The following SLC30A3 variants were observed in gnomAD, a reference collection of about 807,000 sequenced individuals.
SLC30A3 encodes probable proton-coupled zinc antiporter SLC30A3.
In SLC30A3, 20 loss-of-function variants were observed where a neutral mutation model predicts 35.6. That is an observed-to-expected ratio of 0.56 (90% CI 0.39 to 0.82). SLC30A3 has a LOEUF of 0.82. Among genes scored for constraint, SLC30A3 ranks in the 40% least tolerant of loss-of-function variants. SLC30A3 has a pLI of 0.00. For synonymous variants in SLC30A3, 217 were observed against 224.7 expected (o/e 0.97, Z 0.31); for missense variants, 401 against 530.6 (o/e 0.76, Z 2.40).
rs1677726260 is a variant in SLC30A3 at position 27,271,543 on chromosome 2, G to A, written c.-159+3634C>T. Among the ~76,000 whole-genome samples the A allele has an allele frequency of 6.6e-6, 1 of 152,210 alleles. No homozygotes were observed. ...TGAAATGGCACAGGTTTTTATAGAA[G>A]AGGAAAAATAGACTCAGAGATGAAA... On this transcript the variant is annotated intron_variant, in intron 1 of 5. Transcript: ENST00000424577. This position sits in a 1 kb window ranked among gnomAD's most constrained non-coding sequence, Gnocchi z 4.3.
rs761228633 is a variant in SLC30A3, at chr2:27,257,510, C to T, written c.579-158G>A. On this transcript the variant is annotated intron_variant, in intron 4 of 7. Transcript: ENST00000233535. The surrounding 1 kb of genome is among the most constrained non-coding windows in gnomAD (Gnocchi z 4.7). ...CAATGCAGCCTGGGGGAAAGAATAC[C>T]AGACTTGGTGCCACACATGTGGATT... 1 of 716,540 alleles carries T rather than the reference C, an allele frequency of 1.4e-6. No individual in the cohort carries two copies. Among genetic ancestry groups the T allele is most frequent in the Non-Finnish European group, 2.4e-6 (1 of 421,936 alleles). The allele number at this position is 716,540 out of a possible 1,614,324, so 44.4% of individuals were successfully genotyped here.
intron 1 of SLC30A3, among the ~76,000 whole-genome samples, chr2:27,268,134 C>G (rs948467378): frequency 2.6e-5 from 4 of 152,116 alleles, no homozygotes; most frequent in Non-Finnish European, 4.4e-5. Context: ...GTTTTACATG[C>G]TGCTATATCC....
intron 6 of SLC30A3, 126 bp downstream of exon 6, chr2:27,256,662 T>G: frequency 7.5e-7 from 1 of 1,336,772 alleles, no homozygotes; most frequent in South Asian, 1.3e-5. Flanking sequence ...AAATCCTTGT[T>G]CCAGCAGCAG....
At chr2:27,270,147 CAATT>C (rs965810592) in intron 1 of SLC30A3, among the ~76,000 whole-genome samples, 10 of 152,134 alleles carry the variant, frequency 6.6e-5, no homozygotes, top group African/African-American at 1.9e-4. Context: ...CAATTAATAA[CAATT>C]AAGAGGGTGA....
At position 27,262,924 on chromosome 2, in the gene SLC30A3, C is replaced by A; in HGVS notation, c.-18G>T. On this transcript the variant is annotated 5_prime_UTR_variant, in exon 1 of 8. Coordinates refer to ENST00000233535, the MANE Select transcript of SLC30A3 (RefSeq NM_003459.5). This position sits in a 1 kb window ranked among gnomAD's most constrained non-coding sequence, Gnocchi z 7.5. ...GGCTCCATGTTCCCGGTGCCCCGAC[C>A]GTCTAGGCCCCACCGAGGAAGAGAG... 1 of 1,535,974 alleles carries A rather than the reference C, an allele frequency of 6.5e-7. No individual in the cohort carries two copies. The highest frequency in any genetic ancestry group is 2.0e-4 in the Middle Eastern group (1 of 4,966).
chr2:27,256,252 G>A (rs1676843515), intron 7 of SLC30A3, 134 bp downstream of exon 7: 1 of 1,013,640 alleles, frequency 9.9e-7, no homozygotes, highest in Non-Finnish European at 1.5e-6. Flanking sequence ...ATGTGTCTAT[G>A]TGAGAGAGAG....
chr2:27,257,185 A>G lies in SLC30A3; in HGVS notation c.746T>C (p.Val249Ala). ...GTAGATGAGGATGGAGGCAGCCAGT[A>G]CCCCAAAGCTCTGCAGGAGGTCCCC... ...VLGDLLQSFG[V>A]LAASILIYFK... The change falls in exon 5 of 8, where the codon GTA becomes GCA. Residue 249 changes from valine (V) to alanine (A), a missense_variant. Transcript: ENST00000233535. This position sits in a 1 kb window ranked among gnomAD's most constrained non-coding sequence, Gnocchi z 4.7. 6.2e-7 allele frequency: 1 copy of G among 1,613,922 alleles called. No homozygotes were observed. Among genetic ancestry groups the G allele is most frequent in the Non-Finnish European group, 8.5e-7 (1 of 1,179,942 alleles).
chr2:27,261,184 G>C (rs1677166586), intron 1 of SLC30A3, among the ~76,000 whole-genome samples: 2 of 152,178 alleles, frequency 1.3e-5, no homozygotes, highest in Non-Finnish European at 2.9e-5. Flanking sequence ...AGTGTCAGGG[G>C]AGGGCTGAGG....
rs532752696 is a variant in SLC30A3, at chr2:27,255,686, T to A, written c.1019-226A>T. On this transcript the variant is annotated intron_variant, in intron 7 of 7. Coordinates refer to ENST00000233535, the MANE Select transcript of SLC30A3 (RefSeq NM_003459.5). This position sits in a 1 kb window ranked among gnomAD's most constrained non-coding sequence, Gnocchi z 5.2. ...CACTAAACTCTTTCCAGTCTCCTATTCTCTCCTGTCATTAAGTGTCAACAT... is the reference window on the plus strand; with the variant it reads ...CACTAAACTCTTTCCAGTCTCCTATACTCTCCTGTCATTAAGTGTCAACAT... 8 of 552,666 alleles carry A rather than the reference T, an allele frequency of 1.4e-5. No individual in the cohort carries two copies. The African/African-American group carries it at 1.5e-4, about 10-fold the overall frequency. 34.2% of individuals were successfully genotyped at this position (552,666 alleles called of 1,614,324 possible).
Position 27,257,845 on chromosome 2 carries a change from C to T in SLC30A3, c.578+60G>A, listed in dbSNP as rs1269630414. 2 of 1,528,356 alleles carry T rather than the reference C, an allele frequency of 1.3e-6. No individual in the cohort carries two copies. The highest frequency in any genetic ancestry group is 1.8e-6 in the Non-Finnish European group (2 of 1,123,134). 94.7% of individuals were successfully genotyped at this position (1,528,356 alleles called of 1,614,324 possible). Reference sequence around the variant, plus strand: ...GGGAGGAGAGAGCCAGCTCTCCCATCCTGGAGGAAGACCCCTCGCCCTGGG... The same window carrying T: ...GGGAGGAGAGAGCCAGCTCTCCCATTCTGGAGGAAGACCCCTCGCCCTGGG... On this transcript the variant is annotated intron_variant, in intron 4 of 7. Transcript: ENST00000233535. This position sits in a 1 kb window ranked among gnomAD's most constrained non-coding sequence, Gnocchi z 4.7.
At chr2:27,266,459 T>C (rs1677498323), upstream of SLC30A3, among the ~76,000 whole-genome samples, 2 of 152,170 alleles carry the variant, frequency 1.3e-5, no homozygotes, top group African/African-American at 4.8e-5. Context: ...CTCACTCCCA[T>C]GGAGCTATCA....
At chr2:27,270,913 G>A (rs1677703246) in intron 1 of SLC30A3, among the ~76,000 whole-genome samples, 2 of 152,178 alleles carry the variant, frequency 1.3e-5, no homozygotes, top group South Asian at 2.1e-4. Flanking sequence ...TCACCCATGA[G>A]AGGATGTGAA....
At chr2:27,273,424 G>A (rs1479726633) in intron 1 of SLC30A3, among the ~76,000 whole-genome samples, 4 of 152,246 alleles carry the variant, frequency 2.6e-5, no homozygotes, top group Admixed American at 2.6e-4. Context: ...TTCGTTATAA[G>A]TGAACCTCTA....
chr2:27,262,607 G>A lies in SLC30A3; in HGVS notation c.95+205C>T, dbSNP rs1677265745. 6.6e-6 allele frequency among the ~76,000 whole-genome samples: 1 copy of A among 152,174 alleles called. No homozygotes were observed. Among genetic ancestry groups the A allele is most frequent in the Non-Finnish European group, 1.5e-5 (1 of 68,000 alleles). On this transcript the variant is annotated intron_variant, in intron 1 of 7. Coordinates refer to ENST00000233535, the MANE Select transcript of SLC30A3 (RefSeq NM_003459.5). The surrounding 1 kb of genome is among the most constrained non-coding windows in gnomAD (Gnocchi z 7.5). ...GTGAGAGGCCGCTTCACCCGAGGAAGTCAGGCGGCCGGGAGGAGGCGTAGC... is the reference window on the plus strand; with the variant it reads ...GTGAGAGGCCGCTTCACCCGAGGAAATCAGGCGGCCGGGAGGAGGCGTAGC...
intron 1 of SLC30A3, among the ~76,000 whole-genome samples, chr2:27,273,420 A>G (rs1006704661): frequency 3.3e-5 from 5 of 152,248 alleles, no homozygotes; most frequent in Non-Finnish European, 5.9e-5. Flanking sequence ...GGAATTCGTT[A>G]TAAGTGAACC....
At position 27,258,888 on chromosome 2, in the gene SLC30A3, C is replaced by T. The variant is rs1248141089; in HGVS notation, c.142G>A (p.Val48Met). Residue 48 changes from valine (V) to methionine (M), a missense_variant, in exon 2 of 8, where the codon GTG becomes ATG. Coordinates refer to ENST00000233535, the MANE Select transcript of SLC30A3 (RefSeq NM_003459.5). This position sits in a 1 kb window ranked among gnomAD's most constrained non-coding sequence, Gnocchi z 4.0. ...TGGCAGTGGTGGAAGGGCATCTCCA[C>T]AGGTTTGGACTCCTCAGGGAGGGGC... ...SEPLPEESKP[V>M]EMPFHHCHRD... 5 of 1,613,234 alleles carry T rather than the reference C, an allele frequency of 3.1e-6. No individual in the cohort carries two copies. Among genetic ancestry groups the T allele is most frequent in the East Asian group, 2.2e-5 (1 of 44,886 alleles).
rs747146547 is a variant in SLC30A3, at chr2:27,257,144, A to G, written c.777+10T>C. ...GGAGGAAGGCTGGGGCAGGTCTCCA[A>G]TGATGGTACCTTGAAGTAGATGAGG... is the stretch of plus-strand genomic sequence containing the variant. On this transcript the variant is annotated intron_variant, in intron 5 of 7. Transcript: ENST00000233535. The surrounding 1 kb of genome is among the most constrained non-coding windows in gnomAD (Gnocchi z 4.7). 3.7e-6 allele frequency: 6 copies of G among 1,613,416 alleles called. No homozygotes were observed. Among genetic ancestry groups the G allele is most frequent in the African/African-American group, 1.3e-5 (1 of 74,982 alleles).
chr2:27,264,172 G>A (rs1434254100), upstream of SLC30A3: 6 of 720,684 alleles, frequency 8.3e-6, no homozygotes, highest in African/African-American at 1.8e-5. This position sits in a 1 kb window ranked among gnomAD's most constrained non-coding sequence, Gnocchi z 6.1. Flanking sequence ...AGGGGAGCGA[G>A]TGAGCAGGGA....
chr2:27,267,850 A>G (rs894943987), upstream of SLC30A3, among the ~76,000 whole-genome samples: 3 of 150,886 alleles, frequency 2.0e-5, no homozygotes, highest in African/African-American at 7.3e-5. Flanking sequence ...CAGGAGAATC[A>G]CTCAAACCTG....
Sources: gnomAD v4.1 joint callset for allele counts (sites outside exome capture counted in the v4.1 genomes callset) on GRCh38, gnomAD v4.1.1 for gene constraint, Gnocchi (gnomAD v3.1) non-coding constraint, MANE v1.5 for transcripts, NCBI Gene and HGNC (gene_info 2026-07-23, HGNC 2026-07-21) for gene names.